The following LAMC3 variants were observed in gnomAD, a reference collection of about 807,000 sequenced individuals.
LAMC3 encodes the protein laminin subunit gamma-3.
LAMC3 carries 128 observed loss-of-function variants against 173.8 expected under a neutral mutation model. The ratio of observed to expected loss-of-function variants is 0.74; its 90% CI spans 0.64 to 0.85. The LOEUF is 0.85. Among genes scored for constraint, LAMC3 ranks in the 40% least tolerant of loss-of-function variants. LAMC3 has a pLI of 0.00. For synonymous variants in LAMC3, 897 were observed against 909.1 expected, an observed-to-expected ratio of 0.99 and a Z score of 0.24; for missense variants, 2,022 against 2,156.0, an observed-to-expected ratio of 0.94 and a Z score of 1.23.
rs1325914571 is a variant in LAMC3 at position 131,041,753 on chromosome 9, G to A, written c.1382+18G>A. On this transcript the variant is annotated intron_variant, in intron 7 of 27. Coordinates refer to ENST00000361069, the MANE Select transcript of LAMC3 (RefSeq NM_006059.4). ...TGTGACAGGTTTGTGAGCTAATCCA[G>A]CAGTAAGCTTGCTGGAAGTGACCTG... The A allele has an allele frequency of 1.2e-6, 2 of 1,607,780 alleles. No homozygotes were observed. The highest frequency in any genetic ancestry group is 1.7e-6 in the Non-Finnish European group (2 of 1,176,938).
Position 131,061,242 on chromosome 9 carries a change from G to A in LAMC3, c.2347+19G>A, listed in dbSNP as rs775890835. ...CAGAGAGGTAAGTGACTCCTGCCCC[G>A]GAGCCCTGCCCCGCAGAGGGCCAAG... On this transcript the variant is annotated intron_variant, in intron 13 of 27. Coordinates refer to ENST00000361069, the MANE Select transcript of LAMC3 (RefSeq NM_006059.4). The A allele has an allele frequency of 3.1e-5, 50 of 1,591,988 alleles. No homozygotes were observed. The highest frequency in any genetic ancestry group is 1.7e-4 in the Middle Eastern group (1 of 5,938).
chr9:131,016,819 G>A (rs1833527704), intron 1 of LAMC3, among the ~76,000 whole-genome samples: 2 of 152,226 alleles, frequency 1.3e-5, no homozygotes, highest in Admixed American at 1.3e-4. Context: ...TGGTAAGCGT[G>A]TTTGTCCTCA....
At position 131,082,099 on chromosome 9, in the gene LAMC3, C is replaced by T. The variant is rs1302978418; in HGVS notation, c.3968C>T (p.Ser1323Leu). Reference protein sequence around the residue: ...EARAALTQASSSVQAATVTVM... With the variant: ...EARAALTQASLSVQAATVTVM... ...AGAGCCGCCCTGACCCAGGCTTCCT[C>T]ATCTGTCCAGGCTGCGACAGTGACT... The change falls in exon 24 of 28, where the codon TCA becomes TTA. Residue 1323 changes from serine to leucine, a missense_variant. By Grantham distance (145) the Ser-to-Leu change is moderately radical (BLOSUM62 -2). Coordinates refer to ENST00000361069, the MANE Select transcript of LAMC3 (RefSeq NM_006059.4). The T allele has an allele frequency of 1.9e-6, 3 of 1,614,032 alleles. No individual in the cohort carries two copies. In the South Asian group the frequency reaches 3.3e-5, roughly 18 times the overall value.
chr9:131,092,071 G>C lies in LAMC3; in HGVS notation c.*284G>C. On this transcript the variant is annotated 3_prime_UTR_variant, in exon 28 of 28. Coordinates refer to ENST00000361069, the MANE Select transcript of LAMC3 (RefSeq NM_006059.4). ...GTGTCAATAACATACACACGTGAGG[G>C]TGCATGTCTGTGTGTATGACCCACA... is the stretch of plus-strand genomic sequence containing the variant. 2.0e-6 allele frequency: 1 copy of C among 505,190 alleles called. No homozygotes were observed. The highest frequency in any genetic ancestry group is 3.6e-6 in the Non-Finnish European group (1 of 275,270). 31.3% of individuals were successfully genotyped at this position (505,190 alleles called of 1,614,324 possible). A position where few individuals can be genotyped will look rare whatever the true frequency, so the allele number is the denominator to read the frequency against.
chr9:131,091,719 C>G lies in LAMC3; in HGVS notation c.4660C>G (p.Arg1554Gly). The G allele has an allele frequency of 6.2e-7, 1 of 1,612,854 alleles. No homozygotes were observed. Among genetic ancestry groups the G allele is most frequent in the Non-Finnish European group, 8.5e-7 (1 of 1,179,748 alleles). The change falls in exon 28 of 28, where the codon CGC becomes GGC. Residue 1554 changes from arginine (R) to glycine (G), a missense_variant. Physicochemically the swap from Arg to Gly is moderately radical, Grantham distance 125. Transcript: ENST00000361069. Reference sequence around the variant, plus strand: ...CTTCGAGAGTGACCTCGCCGAGATCCGCGCCGACAAACAGAACCTGGAGGC... The same window carrying G: ...CTTCGAGAGTGACCTCGCCGAGATCGGCGCCGACAAACAGAACCTGGAGGC... ...QGFESDLAEI[R>G]ADKQNLEAIL...
In LAMC3 at chr9:131,057,151, A is replaced by C. The variant is rs770909664; in HGVS notation, c.2158+4A>C. 1 of 1,612,068 alleles carries C rather than the reference A, an allele frequency of 6.2e-7. No individual in the cohort carries two copies. Among genetic ancestry groups the C allele is most frequent in the Non-Finnish European group, 8.5e-7 (1 of 1,178,296 alleles). ...GGCACCTGTGACCCCAACACAGGTG[A>C]GTCTCCTGGCACCCCATCCGAAGGC... On this transcript the variant is annotated splice_donor_region_variant and intron_variant, in intron 12 of 27. Coordinates refer to ENST00000361069, the MANE Select transcript of LAMC3 (RefSeq NM_006059.4).
intron 12 of LAMC3, among the ~76,000 whole-genome samples, chr9:131,059,231 G>A (rs1463847520): frequency 2.0e-5 from 3 of 150,808 alleles, no homozygotes; most frequent in East Asian, 2.0e-4. Context: ...GGTGGCTCAC[G>A]CCTGTAATCC....
intron 22 of LAMC3, among the ~76,000 whole-genome samples, chr9:131,077,799 A>G (rs1830161707): frequency 6.6e-6 from 1 of 151,728 alleles, no homozygotes; most frequent in Admixed American, 6.6e-5. Flanking sequence ...GCTAAGTCAA[A>G]TGATATAACC....
intron 1 of LAMC3, among the ~76,000 whole-genome samples, chr9:131,011,332 G>C (rs1833412500): frequency 6.6e-6 from 1 of 152,250 alleles, no homozygotes; most frequent in African/African-American, 2.4e-5. Context: ...CAGAGAGGTT[G>C]TTTTGCCCAA....
chr9:131,082,502 G>A (rs985407752), intron 24 of LAMC3, among the ~76,000 whole-genome samples: 7 of 152,310 alleles, frequency 4.6e-5, no homozygotes, highest in African/African-American at 1.2e-4. Flanking sequence ...ATACAAATAT[G>A]GCTGTCCGGG....
intron 12 of LAMC3, among the ~76,000 whole-genome samples, chr9:131,059,574 A>T (rs969282925): frequency 7.0e-6 from 1 of 143,864 alleles, no homozygotes; most frequent in Non-Finnish European, 1.5e-5. Context: ...CACACGCCAC[A>T]TACAGGGCAC....
In LAMC3 at chr9:131,036,205, C is replaced by T. The variant is rs751593107; in HGVS notation, c.849C>T (p.Asp283=). The T allele has an allele frequency of 5.6e-6, 9 of 1,612,776 alleles. No individual in the cohort carries two copies. The highest frequency in any genetic ancestry group is 2.2e-5 in the South Asian group (2 of 91,062). Residue 283 remains aspartate (D), a synonymous_variant, in exon 4 of 28, where the codon GAC becomes GAT. Coordinates refer to ENST00000361069, the MANE Select transcript of LAMC3 (RefSeq NM_006059.4). ...GGCATGCCAGCGAGTGCGGCCCCGA[C>T]GTGGCAGGCCAGTTGGCCTGCCGGT... is the stretch of plus-strand genomic sequence containing the variant. ...CNGHASECGP[D]VAGQLACRCQ... is the part of the protein sequence containing the mutation.
chr9:131,053,984 CA>C (rs559955363), intron 11 of LAMC3, among the ~76,000 whole-genome samples: 1 of 149,468 alleles, frequency 6.7e-6, no homozygotes, highest in East Asian at 2.0e-4. Context: ...GCCTGGGTGA[CA>C]AAGCGAGACC....
intron 27 of LAMC3, 32 bp downstream of exon 27, chr9:131,087,849 C>T: frequency 6.4e-7 from 1 of 1,557,642 alleles, no homozygotes; most frequent in East Asian, 2.2e-5. Context: ...GCCCTGAACC[C>T]CTGGGTCCCT....
chr9:131,071,695 G>A (rs1195999910), intron 18 of LAMC3, 70 bp downstream of exon 18: 7 of 1,466,016 alleles, frequency 4.8e-6, no homozygotes, highest in Non-Finnish European at 5.4e-6. Context: ...GTCTGGTGTC[G>A]TTGGATGCTT....
At chr9:131,070,277 C>T (rs1043636504) in intron 17 of LAMC3, among the ~76,000 whole-genome samples, 1 of 152,252 alleles carries the variant, frequency 6.6e-6, no homozygotes, top group African/African-American at 2.4e-5. Flanking sequence ...CATTCATTGT[C>T]ATGTGTCTGG....
intron 3 of LAMC3, among the ~76,000 whole-genome samples, chr9:131,034,995 G>A (rs976083151): frequency 3.3e-5 from 5 of 152,062 alleles, no homozygotes; most frequent in Non-Finnish European, 7.3e-5. Flanking sequence ...TCGTTGCCCA[G>A]GCTGGAGTGC....
At chr9:131,057,199 C>T (rs959245862) in intron 12 of LAMC3, 52 bp downstream of exon 12, 28 of 1,494,406 alleles carry the variant, frequency 1.9e-5, no homozygotes, top group Middle Eastern at 1.9e-4. Context: ...CCCAAAACAG[C>T]GGGATGAGTA....
chr9:131,083,329 G>C (rs1421547288), intron 24 of LAMC3, among the ~76,000 whole-genome samples: 1 of 152,118 alleles, frequency 6.6e-6, no homozygotes, highest in African/African-American at 2.4e-5. Flanking sequence ...ATCCACAGGA[G>C]GGCTAACCTC....
Sources: gnomAD v4.1 joint callset for allele counts (sites outside exome capture counted in the v4.1 genomes callset) on GRCh38, gnomAD v4.1.1 for gene constraint, MANE v1.5 for transcripts, NCBI Gene and HGNC (gene_info 2026-07-23, HGNC 2026-07-21) for gene names.